Variants in GSE1 observed in about 807,000 individuals in gnomAD.
The protein encoded by GSE1 is Gse1 coiled-coil protein, also known as genetic suppressor element 1.
GSE1 carries 32 observed loss-of-function variants against 112.6 expected under a neutral mutation model. The ratio of observed to expected loss-of-function variants is 0.28; its 90% confidence interval spans 0.21 to 0.38. The LOEUF (loss-of-function observed/expected upper bound fraction) is 0.38, where lower values mean the gene tolerates loss of function less well. Ranked by LOEUF, GSE1 falls within the 10% of genes least tolerant of loss-of-function variation. GSE1 has a pLI of 1.00. For missense variants in GSE1, 2,348 were observed against 1,699.2 expected (o/e 1.38, Z -6.71); for synonymous variants, 1,115 against 735.6 (o/e 1.52, Z -8.35).
intron 2 of GSE1, among the ~76,000 whole-genome samples, chr16:85,430,797 C>T (rs1018041584): frequency 5.3e-5 from 8 of 152,206 alleles, no homozygotes; most frequent in East Asian, 1.9e-4. Flanking sequence ...GGGCCTGGAG[C>T]GGAGGTCCCC....
At chr16:85,637,755 G>A (rs79141208) in intron 2 of GSE1, among the ~76,000 whole-genome samples, 1 of 150,994 alleles carries the variant, frequency 6.6e-6, no homozygotes, top group Non-Finnish European at 1.5e-5. Flanking sequence ...TGCAGAAAGG[G>A]AGACCGGGCC....
In GSE1 at chr16:85,648,655, C is replaced by A. The variant is rs1598570124; in HGVS notation, c.330C>A (p.Val110=). 6.3e-7 allele frequency: 1 copy of A among 1,597,096 alleles called. No individual in the cohort carries two copies. The highest frequency in any genetic ancestry group is 8.6e-7 in the Non-Finnish European group (1 of 1,167,702). Residue 110 remains valine (V), a synonymous_variant, in exon 3 of 16, where the codon GTC becomes GTA. Coordinates refer to ENST00000253458, the MANE Select transcript of GSE1 (RefSeq NM_014615.5). ...GCGTGCCCATGGGCCCTATCATCGTCCCCCCTGGGGGCCACAGCGTGCCCA... is the reference window on the plus strand; with the variant it reads ...GCGTGCCCATGGGCCCTATCATCGTACCCCCTGGGGGCCACAGCGTGCCCA... ...PKRVPMGPII[V]PPGGHSVPST...
chr16:85,610,228 G>C (rs2047905556), upstream of GSE1, among the ~76,000 whole-genome samples: 1 of 152,228 alleles, frequency 6.6e-6, no homozygotes, highest in South Asian at 2.1e-4. Flanking sequence ...GCATCCCCAG[G>C]GCAGGTGTCC....
intron 2 of GSE1, among the ~76,000 whole-genome samples, chr16:85,524,330 T>C (rs2052292755): frequency 6.6e-6 from 1 of 151,968 alleles, no homozygotes; most frequent in African/African-American, 2.4e-5. Context: ...TTGCCGGCTC[T>C]GTGGCTTCAG....
rs570526721 is a variant in GSE1 at position 85,633,408 on chromosome 16, A to G, written c.8-506A>G. On this transcript the variant is annotated intron_variant, in intron 1 of 15. Coordinates refer to ENST00000253458, the MANE Select transcript of GSE1 (RefSeq NM_014615.5). ...GGGCAGAACTCCCGCCAGTCTTCTGAGGGCATTGCCATGCGTGCCTGGCAT... is the reference window on the plus strand; with the variant it reads ...GGGCAGAACTCCCGCCAGTCTTCTGGGGGCATTGCCATGCGTGCCTGGCAT... 6.0e-4 allele frequency among the ~76,000 whole-genome samples: 92 copies of G among 152,210 alleles called. 3 individuals are homozygous for G. The South Asian group carries it at 0.013, about 22-fold the overall frequency.
intron 1 of GSE1, among the ~76,000 whole-genome samples, chr16:85,276,646 G>T (rs1001516162): frequency 6.6e-6 from 1 of 152,232 alleles, no homozygotes; most frequent in Non-Finnish European, 1.5e-5. Context: ...TGGCCGGGAA[G>T]GGCGTGGAGG....
chr16:85,395,995 CTG>C (rs1211695865), intron 2 of GSE1, among the ~76,000 whole-genome samples: 2 of 152,242 alleles, frequency 1.3e-5, no homozygotes, highest in Non-Finnish European at 2.9e-5. Context: ...TCAAGATGCT[CTG>C]GGGATTTTTC....
chr16:85,192,777 C>A (rs1302210499), intron 1 of GSE1, among the ~76,000 whole-genome samples: 1 of 152,170 alleles, frequency 6.6e-6, no homozygotes, highest in Non-Finnish European at 1.5e-5. Context: ...CTTCCCTGGG[C>A]CAGCTGTTGG....
Position 85,674,166 on chromosome 16 carries a change from T to G in GSE1, c.*1627T>G, listed in dbSNP as rs2053553320. The G allele has an allele frequency of 6.6e-6, 1 of 152,204 alleles. No homozygotes were observed. The highest frequency in any genetic ancestry group is 1.5e-5 in the Non-Finnish European group (1 of 68,150). The allele number at this position is 152,204 out of a possible 1,614,324, so 9.4% of individuals were successfully genotyped here. A position where few individuals can be genotyped will look rare whatever the true frequency, so the allele number is the denominator to read the frequency against. On this transcript the variant is annotated 3_prime_UTR_variant, in exon 16 of 16. Transcript: ENST00000253458. ...AGGCCTGAGCTGAGGGCAGGGTGCC[T>G]GACCTGTGTGCCGGCTGCTCACTGC...
rs1598661084 is a variant in GSE1 at position 85,661,751 on chromosome 16, A to G, written c.2246A>G (p.Glu749Gly). 6.5e-7 allele frequency: 1 copy of G among 1,532,778 alleles called. No individual in the cohort carries two copies. Among genetic ancestry groups the G allele is most frequent in the Non-Finnish European group, 8.8e-7 (1 of 1,136,424 alleles). The allele number at this position is 1,532,778 out of a possible 1,614,324, so 94.9% of individuals were successfully genotyped here. A position where few individuals can be genotyped will look rare whatever the true frequency, so the allele number is the denominator to read the frequency against. ...KLDLEERRRREAQEKGYYYDL... is the reference protein window; with the variant it reads ...KLDLEERRRRGAQEKGYYYDL... ...GACCTGGAGGAGCGCAGGCGGCGGG[A>G]GGCCCAGGAGAAAGGTCTGCCTCCC... The change falls in exon 9 of 16, where the codon GAG (glutamate) becomes GGG (glycine). Residue 749 changes from glutamate to glycine, a missense_variant. Coordinates refer to ENST00000253458, the MANE Select transcript of GSE1 (RefSeq NM_014615.5).
intron 1 of GSE1, among the ~76,000 whole-genome samples, chr16:85,205,219 T>A (rs914047322): frequency 3.3e-5 from 5 of 152,154 alleles, no homozygotes; most frequent in Admixed American, 6.5e-5. Context: ...AACCTCCGCC[T>A]CCTGGGGGTT....
chr16:85,241,293 C>T (rs895876178), intron 1 of GSE1, among the ~76,000 whole-genome samples: 10 of 152,196 alleles, frequency 6.6e-5, no homozygotes, highest in Non-Finnish European at 1.2e-4. Context: ...GGTGAGGAGT[C>T]GGTGCTGGGG....
intron 1 of GSE1, among the ~76,000 whole-genome samples, chr16:85,628,157 G>C (rs556961635): frequency 2.5e-4 from 38 of 152,166 alleles, no homozygotes; most frequent in Admixed American, 2.0e-4. Context: ...AGCTGCGCCC[G>C]GCTGCTGCGG....
intron 1 of GSE1, among the ~76,000 whole-genome samples, chr16:85,338,652 G>A (rs575709459): frequency 2.0e-4 from 31 of 152,266 alleles, no homozygotes; most frequent in South Asian, 8.3e-4. Context: ...TTTATCCAGC[G>A]GCTCCTAAAG....
intron 1 of GSE1, among the ~76,000 whole-genome samples, chr16:85,614,603 G>T (rs947888164): frequency 1.3e-5 from 2 of 152,206 alleles, no homozygotes; most frequent in African/African-American, 2.4e-5. Flanking sequence ...GGGCCTGGCC[G>T]CAGTGCCCGT....
intron 1 of GSE1, among the ~76,000 whole-genome samples, chr16:85,214,532 G>A (rs1218301246): frequency 6.6e-6 from 1 of 152,082 alleles, no homozygotes; most frequent in Non-Finnish European, 1.5e-5. Context: ...GAGGCAGCGC[G>A]GCCCAGCCAG....
At chr16:85,276,894 C>A (rs1258546534) in intron 1 of GSE1, among the ~76,000 whole-genome samples, 1 of 152,212 alleles carries the variant, frequency 6.6e-6, no homozygotes, top group Non-Finnish European at 1.5e-5. Context: ...AGTTAGAGAA[C>A]CCCCAAGGCC....
In GSE1 at chr16:85,654,432, C is replaced by T; in HGVS notation, c.581C>T (p.Ser194Phe). ...GLSPSSVVQD[S>F]RFPPLNLQRP... The stretch of plus-strand genomic sequence containing the variant: ...TCCCCCAGCTCAGTTGTGCAGGATT[C>T]CCGCTTCCCGCCACTCAAGTAAGTT... Residue 194 changes from serine to phenylalanine, a missense_variant, in exon 4 of 16, where the codon TCC (serine) becomes TTC (phenylalanine). Ser to Phe is a radical substitution (Grantham distance 155). Coordinates refer to ENST00000253458, the MANE Select transcript of GSE1 (RefSeq NM_014615.5). The T allele has an allele frequency of 1.3e-6, 2 of 1,565,480 alleles. No homozygotes were observed. The highest frequency in any genetic ancestry group is 1.7e-6 in the Non-Finnish European group (2 of 1,154,176).
In GSE1 at chr16:85,672,646, G is replaced by C; in HGVS notation, c.*107G>C. 2.6e-6 allele frequency: 2 copies of C among 775,032 alleles called. No individual in the cohort carries two copies. The highest frequency in any genetic ancestry group is 3.8e-6 in the Non-Finnish European group (2 of 525,370). The allele number at this position is 775,032 out of a possible 1,614,324, so 48.0% of individuals were successfully genotyped here. On this transcript the variant is annotated 3_prime_UTR_variant, in exon 16 of 16. Transcript: ENST00000253458. ...GGGAGGTTTGAAGCTTACAAAATGA[G>C]AATGTGCCATGCATGAAGCAAAGGA...
Sources: gnomAD v4.1 joint callset for allele counts (sites outside exome capture counted in the v4.1 genomes callset) on GRCh38, gnomAD v4.1.1 for gene constraint, MANE v1.5 for transcripts, NCBI Gene and HGNC (gene_info 2026-07-23, HGNC 2026-07-21) for gene names.